The following DOCK10 variants were observed in gnomAD, a reference collection of about 807,000 sequenced individuals.
DOCK10 encodes the protein dedicator of cytokinesis 10, also known as dedicator of cytokinesis protein 10.
Under a neutral mutation model 280.1 loss-of-function variants are expected in DOCK10, and 145 were observed. The ratio of observed to expected loss-of-function variants is 0.52; its 90% CI spans 0.45 to 0.59. The LOEUF (loss-of-function observed/expected upper bound fraction) is 0.59. Among genes scored for constraint, DOCK10 ranks in the 20% least tolerant of loss-of-function variants. The probability of loss-of-function intolerance (pLI) is 0.00; values close to 1 mark genes in which losing one functional copy is unlikely to be tolerated. For missense variants in DOCK10, 2,368 were observed against 2,651.7 expected (o/e 0.89, Z 2.35); for synonymous variants, 915 against 942.2 (o/e 0.97, Z 0.53).
At chr2:224,829,901 G>A (rs575526795) in intron 27 of DOCK10, among the ~76,000 whole-genome samples, 13 of 152,288 alleles carry the variant, frequency 8.5e-5, no homozygotes, top group Admixed American at 3.9e-4. Flanking sequence ...GGAGGCCCAT[G>A]GGAACTGCAG....
intron 31 of DOCK10, among the ~76,000 whole-genome samples, chr2:224,812,692 A>G (rs1693860833): frequency 6.6e-6 from 1 of 152,316 alleles, no homozygotes; most frequent in South Asian, 2.1e-4. Context: ...AGTTTTTAGC[A>G]TGAAGCATTG....
At chr2:224,812,115 T>C (rs1364367551) in intron 31 of DOCK10, among the ~76,000 whole-genome samples, 1 of 152,232 alleles carries the variant, frequency 6.6e-6, no homozygotes, top group East Asian at 1.9e-4. Flanking sequence ...TTCCTACCCA[T>C]GAGCATGGAA....
intron 1 of DOCK10, among the ~76,000 whole-genome samples, chr2:224,956,304 G>C (rs1321313991): frequency 1.3e-5 from 2 of 152,138 alleles, no homozygotes; most frequent in East Asian, 3.9e-4. Flanking sequence ...CTCTCATTTG[G>C]GGGGTTTAGT....
Position 224,787,331 on chromosome 2 carries a change from T to C in DOCK10, c.5485A>G (p.Ile1829Val). The change falls in exon 49 of 56, where the codon ATT (isoleucine) becomes GTT (valine). Residue 1829 changes from isoleucine (I) to valine (V), a missense_variant. Physicochemically the swap from Ile to Val is conservative, Grantham distance 29. This residue lies in a region of DOCK10 where 1,159 missense variants were observed against 1,400.8 expected (regional missense o/e 0.83). Coordinates refer to ENST00000258390, the MANE Select transcript of DOCK10 (RefSeq NM_014689.3). ...ATGATGGGCTTGTTGACATCAGCAA[T>C]GAGTTCATATCGCTCAGACTTCCAG... ...FLWKSERYELIADVNKPIIAV... is the reference protein window; with the variant it reads ...FLWKSERYELVADVNKPIIAV... 1 of 1,613,990 alleles carries C rather than the reference T, an allele frequency of 6.2e-7. No homozygotes were observed. Among genetic ancestry groups the C allele is most frequent in the Admixed American group, 1.7e-5 (1 of 60,026 alleles).
At chr2:224,848,391 CT>C (rs897087354) in intron 19 of DOCK10, among the ~76,000 whole-genome samples, 7 of 152,300 alleles carry the variant, frequency 4.6e-5, no homozygotes, top group Admixed American at 4.6e-4. Context: ...ACTGAAACTT[CT>C]TTGTCTAAAG....
chr2:224,874,798 C>T, intron 8 of DOCK10, 47 bp from the exon 9 acceptor site: 1 of 1,533,634 alleles, frequency 6.5e-7, no homozygotes, highest in Non-Finnish European at 9.0e-7. Flanking sequence ...ACTCACGAGT[C>T]ACACATTCTT....
chr2:224,991,648 C>G (rs760497467), intron 1 of DOCK10, among the ~76,000 whole-genome samples: 24 of 152,076 alleles, frequency 1.6e-4, no homozygotes, highest in Non-Finnish European at 2.9e-4. Context: ...AGAAAGTTTC[C>G]TTGACTTCTC....
rs74480878 is a variant in DOCK10 at position 224,900,880 on chromosome 2, G to A, written c.334-4503C>T. On this transcript the variant is annotated intron_variant, in intron 3 of 55. Coordinates refer to ENST00000258390, the MANE Select transcript of DOCK10 (RefSeq NM_014689.3). ...CTTGATTATTAAAAATGAAGTATTT[G>A]AGAAATATATTAGGTCTGATTATCA... 6.1e-3 allele frequency among the ~76,000 whole-genome samples: 928 copies of A among 152,210 alleles called. 10 individuals carry two copies. The highest frequency in any genetic ancestry group is 0.02 in the African/African-American group (818 of 41,518).
intron 16 of DOCK10, 21 bp downstream of exon 16, chr2:224,854,942 A>G: frequency 6.3e-7 from 1 of 1,582,838 alleles, no homozygotes; most frequent in Non-Finnish European, 8.6e-7. Flanking sequence ...CTGCAACCAA[A>G]CCATGACATC....
In DOCK10 at chr2:224,864,234, A is replaced by G. The variant is rs188387613; in HGVS notation, c.1602+319T>C. ...TAAAAGCAAATGAAGTTGGCTGGGCATGGTGGCTCATGCCTGTAATCCCAG... is the reference window on the plus strand; with the variant it reads ...TAAAAGCAAATGAAGTTGGCTGGGCGTGGTGGCTCATGCCTGTAATCCCAG... On this transcript the variant is annotated intron_variant, in intron 13 of 55. Coordinates refer to ENST00000258390, the MANE Select transcript of DOCK10 (RefSeq NM_014689.3). Among the ~76,000 whole-genome samples, 211 of 152,326 alleles carry G rather than the reference A, an allele frequency of 1.4e-3. 1 individual carries two copies. Among genetic ancestry groups the G allele is most frequent in the Non-Finnish European group, 4.7e-4 (32 of 68,008 alleles).
chr2:225,000,227 C>G (rs72976513), intron 1 of DOCK10, among the ~76,000 whole-genome samples: 1,586 of 36,154 alleles, frequency 0.044, 14 homozygotes, highest in East Asian at 0.11. Flanking sequence ...CACACACAGA[C>G]ACACACACAC....
chr2:224,891,826 C>T lies in DOCK10; in HGVS notation c.416+4469G>A, dbSNP rs183895539. Among the ~76,000 whole-genome samples the T allele has an allele frequency of 2.6e-5, 4 of 152,274 alleles. No individual in the cohort carries two copies. The East Asian group carries it at 5.8e-4, about 22-fold the overall frequency. ...GGGCTAGGGTTGTAGTGAATGTAAG[C>T]GTGCCACTTCACTGGTGGTTTTTCT... On this transcript the variant is annotated intron_variant, in intron 4 of 55. Transcript: ENST00000258390.
At chr2:224,892,477 A>G (rs1187868116) in intron 4 of DOCK10, among the ~76,000 whole-genome samples, 1 of 151,510 alleles carries the variant, frequency 6.6e-6, no homozygotes, top group Admixed American at 6.6e-5. Context: ...AGAGGAGAAG[A>G]GCGATGAGTG....
chr2:225,029,873 G>T (rs1690029098), intron 1 of DOCK10, among the ~76,000 whole-genome samples: 1 of 152,042 alleles, frequency 6.6e-6, no homozygotes, highest in Non-Finnish European at 1.5e-5. Context: ...GCCAGGAGAG[G>T]TGGCTCACAC....
Position 225,023,323 on chromosome 2 carries a change from A to G in DOCK10, c.123+18929T>C, listed in dbSNP as rs569581329. Among the ~76,000 whole-genome samples the G allele has an allele frequency of 3.7e-3, 557 of 152,334 alleles. 6 individuals are homozygous for G. The highest frequency in any genetic ancestry group is 0.013 in the African/African-American group (527 of 41,588). On this transcript the variant is annotated intron_variant, in intron 1 of 55. Transcript: ENST00000258390. ...ATTGCTGGGATTACAGGTGTGAGCCACTGCGCCCAGCCCAAAACAACTTCT... is the reference window on the plus strand; with the variant it reads ...ATTGCTGGGATTACAGGTGTGAGCCGCTGCGCCCAGCCCAAAACAACTTCT...
intron 43 of DOCK10, 53 bp from the exon 44 acceptor site, chr2:224,796,479 T>C: frequency 8.6e-7 from 1 of 1,157,078 alleles, no homozygotes; most frequent in Non-Finnish European, 1.3e-6. Flanking sequence ...ATAGTCTTCT[T>C]AAAGAAATCC....
chr2:224,823,281 C>A (rs951114604), intron 28 of DOCK10, among the ~76,000 whole-genome samples: 1 of 151,786 alleles, frequency 6.6e-6, no homozygotes, highest in Admixed American at 6.6e-5. Flanking sequence ...CCATCGCGCC[C>A]GGCCTTCTAA....
At chr2:224,959,437 CTTTT>C (rs55894832) in intron 1 of DOCK10, among the ~76,000 whole-genome samples, 86 of 142,316 alleles carry the variant, frequency 6.0e-4, no homozygotes, top group Admixed American at 8.4e-4. Context: ...TTATTATTTT[CTTTT>C]TTTTTTTTTT....
chr2:225,020,478 A>T (rs925480088), intron 1 of DOCK10, among the ~76,000 whole-genome samples: 2 of 152,158 alleles, frequency 1.3e-5, no homozygotes, highest in African/African-American at 4.8e-5. Context: ...ACTCTTCCCT[A>T]TATTTTGTGT....
Sources: gnomAD v4.1 joint callset for allele counts (sites outside exome capture counted in the v4.1 genomes callset) on GRCh38, gnomAD v4.1.1 for gene constraint, gnomAD v4.1.1 regional missense constraint, MANE v1.5 for transcripts, NCBI Gene and HGNC (gene_info 2026-07-23, HGNC 2026-07-21) for gene names.